DNAH7: variants seen among roughly 807,000 people sequenced by gnomAD.
DNAH7 encodes dynein axonemal heavy chain 7, also known as axonemal beta dynein heavy chain 7.
DNAH7 carries 397 observed loss-of-function variants against 444.6 expected under a neutral mutation model. That is an observed-to-expected ratio of 0.89 (90% CI 0.82 to 0.97). The LOEUF (loss-of-function observed/expected upper bound fraction) is 0.97. Ranked by LOEUF, DNAH7 falls within the 50% of genes least tolerant of loss-of-function variation. DNAH7 has a pLI of 0.00. For synonymous variants in DNAH7, 1,636 were observed against 1,624.4 expected (o/e 1.01, Z -0.17); for missense variants, 4,902 against 4,800.8 (o/e 1.02, Z -0.62).
At chr2:195,898,099 G>A (rs1702442023) in intron 28 of DNAH7, among the ~76,000 whole-genome samples, 1 of 152,188 alleles carries the variant, frequency 6.6e-6, no homozygotes, top group African/African-American at 2.4e-5. Context: ...ATGTATTCAT[G>A]ACTAGCAGTA....
intron 60 of DNAH7, among the ~76,000 whole-genome samples, chr2:195,772,139 A>G (rs1694869881): frequency 6.6e-6 from 1 of 152,196 alleles, no homozygotes; most frequent in Non-Finnish European, 1.5e-5. Context: ...GATCTGGAGA[A>G]AGCAAATAAG....
intron 61 of DNAH7, among the ~76,000 whole-genome samples, chr2:195,762,139 T>C (rs1360027568): frequency 6.6e-6 from 1 of 152,144 alleles, no homozygotes; most frequent in East Asian, 1.9e-4. Context: ...TCTTTGCTTG[T>C]TTCTTTGTTT....
chr2:195,908,835 C>G (rs1333439452), intron 25 of DNAH7, among the ~76,000 whole-genome samples: 1 of 151,938 alleles, frequency 6.6e-6, no homozygotes, highest in South Asian at 2.1e-4. Context: ...TTTAAAAGTT[C>G]TAATTCTAAT....
At position 195,876,781 on chromosome 2, in the gene DNAH7, T is replaced by C. The variant is rs530902676; in HGVS notation, c.5962-82A>G. On this transcript the variant is annotated intron_variant, in intron 36 of 64. Transcript: ENST00000312428. ...AATAAACACTAAGCATCATTACTGATAGACTCGAATTTAACCTTAAGTGTT... is the reference window on the plus strand; with the variant it reads ...AATAAACACTAAGCATCATTACTGACAGACTCGAATTTAACCTTAAGTGTT... The C allele has an allele frequency of 1.2e-4, 109 of 938,798 alleles. No individual in the cohort carries two copies. In the South Asian group the frequency reaches 1.6e-3, roughly 14 times the overall value. 58.2% of individuals were successfully genotyped at this position (938,798 alleles called of 1,614,324 possible).
chr2:195,952,531 TG>T (rs1256683998), intron 19 of DNAH7, among the ~76,000 whole-genome samples: 1 of 152,228 alleles, frequency 6.6e-6, no homozygotes, highest in African/African-American at 2.4e-5. Flanking sequence ...TTTTCCAGCT[TG>T]GTTCCATTCT....
rs1695035062 is a variant in DNAH7 at position 195,775,835 on chromosome 2, A to C, written c.11202+11T>G. ...AGGCCTCAGAATCCAGGTCCTATAC[A>C]GATCACACACCTGTGTAAGAAGAAT... On this transcript the variant is annotated intron_variant, in intron 60 of 64. Coordinates refer to ENST00000312428, the MANE Select transcript of DNAH7 (RefSeq NM_018897.3). 6.2e-7 allele frequency: 1 copy of C among 1,613,280 alleles called. No homozygotes were observed. The highest frequency in any genetic ancestry group is 1.3e-5 in the African/African-American group (1 of 74,918).
chr2:195,905,155 T>C (rs564636416), intron 27 of DNAH7: 1 of 152,266 alleles, frequency 6.6e-6, no homozygotes, highest in Non-Finnish European at 1.5e-5. Context: ...CAACCAATAA[T>C]GGCTCCCAGC....
At chr2:195,835,231 T>C (rs567395891) in intron 47 of DNAH7, among the ~76,000 whole-genome samples, 1 of 152,054 alleles carries the variant, frequency 6.6e-6, no homozygotes, top group Non-Finnish European at 1.5e-5. Flanking sequence ...CTAAAGATAC[T>C]GCCACACCCT....
intron 54 of DNAH7, among the ~76,000 whole-genome samples, chr2:195,805,427 C>G (rs183995462): frequency 6.6e-6 from 1 of 152,156 alleles, no homozygotes; most frequent in East Asian, 1.9e-4. Flanking sequence ...CCATCTTTAA[C>G]ATATGAAGTG....
chr2:195,869,437 CCTG>C (rs1700546935), intron 40 of DNAH7, among the ~76,000 whole-genome samples: 4 of 151,578 alleles, frequency 2.6e-5, no homozygotes, highest in African/African-American at 9.7e-5. Context: ...ATGGGGCTTG[CCTG>C]CTATCTGAGG....
intron 19 of DNAH7, among the ~76,000 whole-genome samples, chr2:195,942,420 G>C (rs563110818): frequency 6.6e-6 from 1 of 151,364 alleles, no homozygotes; most frequent in African/African-American, 2.4e-5. Context: ...GGAGGAAGAG[G>C]AAGAAGGAAG....
At position 196,049,659 on chromosome 2, in the gene DNAH7, A is replaced by G. The variant is rs560009946; in HGVS notation, c.142-1255T>C. Among the ~76,000 whole-genome samples the G allele has an allele frequency of 7.9e-5, 12 of 152,368 alleles. No homozygotes were observed. In the South Asian group the frequency reaches 1.2e-3, roughly 16 times the overall value. ...GAAAATATGATTTCCCTTAAAACCCATAAGACTCAAAGAATGCTGAGGAAA... is the reference window on the plus strand; with the variant it reads ...GAAAATATGATTTCCCTTAAAACCCGTAAGACTCAAAGAATGCTGAGGAAA... On this transcript the variant is annotated intron_variant, in intron 3 of 64. Coordinates refer to ENST00000312428, the MANE Select transcript of DNAH7 (RefSeq NM_018897.3).
intron 23 of DNAH7, among the ~76,000 whole-genome samples, chr2:195,922,829 A>G (rs1485449778): frequency 6.6e-6 from 1 of 151,526 alleles, no homozygotes; most frequent in Non-Finnish European, 1.5e-5. Context: ...GGTAAAAACC[A>G]TGTTTCTGGC....
chr2:195,775,341 T>C (rs1180534993), intron 60 of DNAH7, among the ~76,000 whole-genome samples: 1 of 152,220 alleles, frequency 6.6e-6, no homozygotes, highest in Non-Finnish European at 1.5e-5. Flanking sequence ...ATATTTTAAA[T>C]GTTATACTAA....
intron 33 of DNAH7, among the ~76,000 whole-genome samples, chr2:195,886,956 G>A (rs915851184): frequency 2.0e-5 from 3 of 152,116 alleles, no homozygotes; most frequent in African/African-American, 7.2e-5. Flanking sequence ...TTAGAGGCAG[G>A]TGACTTCATG....
At chr2:196,023,369 T>C (rs1695494480) in intron 8 of DNAH7, among the ~76,000 whole-genome samples, 1 of 152,218 alleles carries the variant, frequency 6.6e-6, no homozygotes, top group Non-Finnish European at 1.5e-5. Flanking sequence ...CTCTTTTCTT[T>C]ATAAATCACC....
intron 18 of DNAH7, 93 bp downstream of exon 18, chr2:195,960,164 ATAT>A (rs1690984585): frequency 2.0e-6 from 2 of 1,002,298 alleles, no homozygotes; most frequent in East Asian, 2.5e-5. Flanking sequence ...TAAGTATGAA[ATAT>A]TATGTGTGAA....
At chr2:195,827,270 C>T (rs774905312) in intron 48 of DNAH7, among the ~76,000 whole-genome samples, 11 of 151,962 alleles carry the variant, frequency 7.2e-5, no homozygotes, top group Non-Finnish European at 1.5e-4. Flanking sequence ...TCAACTTGTT[C>T]TTATTTAATT....
At position 195,811,723 on chromosome 2, in the gene DNAH7, T is replaced by C. The variant is rs533723396; in HGVS notation, c.9762-1852A>G. 2.0e-5 allele frequency among the ~76,000 whole-genome samples: 3 copies of C among 152,220 alleles called. No individual in the cohort carries two copies. The South Asian group carries it at 6.2e-4, about 32-fold the overall frequency. On this transcript the variant is annotated intron_variant, in intron 51 of 64. Transcript: ENST00000312428. ...TATATTGTGCAACTCCTAAAACTTA[T>C]GTTTCAGAAGAATACTTAATAACAT...
Sources: gnomAD v4.1 joint callset for allele counts (sites outside exome capture counted in the v4.1 genomes callset) on GRCh38, gnomAD v4.1.1 for gene constraint, MANE v1.5 for transcripts, NCBI Gene and HGNC (gene_info 2026-07-23, HGNC 2026-07-21) for gene names.